The following VSIG1 variants were observed in gnomAD, a reference collection of about 807,000 sequenced individuals.
VSIG1 encodes the protein V-set and immunoglobulin domain-containing protein 1.
In VSIG1, 11 loss-of-function variants were observed where a neutral mutation model predicts 20.1. The observed-to-expected ratio is 0.55, with a 90% CI of 0.34 to 0.91. The LOEUF (loss-of-function observed/expected upper bound fraction) is 0.91, where lower values mean the gene tolerates loss of function less well. VSIG1 is among the 40% of genes least tolerant of loss of function. VSIG1 has a pLI of 0.02. For missense variants in VSIG1, 283 were observed against 298.8 expected (o/e 0.95, Z 0.39); for synonymous variants, 126 against 116.7 (o/e 1.08, Z -0.52).
chrX:108,073,996 T>C (rs1223858524), intron 5 of VSIG1: 2 of 111,735 alleles, frequency 1.8e-5, no homozygotes, highest in Admixed American at 1.9e-4. Flanking sequence ...TCAATTTTCC[T>C]ATTCGAAGGT....
chrX:108,046,855 G>C (rs1230225836), intron 1 of VSIG1, among the ~76,000 whole-genome samples: 1 of 110,529 alleles, frequency 9.0e-6, no homozygotes, highest in African/African-American at 3.3e-5. Flanking sequence ...ATACTTCAGA[G>C]TGTGTTTCCT....
chrX:108,028,458 A>T, the VSIG1 span, among the ~76,000 whole-genome samples: 1 of 111,919 alleles, frequency 8.9e-6, no homozygotes, highest in African/African-American at 3.2e-5. Context: ...AGAGCAAGTT[A>T]CTTACTATCT....
chrX:108,047,843 T>TAC (rs1294961940), intron 1 of VSIG1, among the ~76,000 whole-genome samples: 1 of 33,888 alleles, frequency 3.0e-5, no homozygotes, highest in Non-Finnish European at 5.7e-5. Context: ...CATATATATA[T>TAC]ACATATATAT....
Position 108,077,224 on chromosome X carries a change from C to G in VSIG1, c.1007C>G (p.Ser336Ter). Reference sequence around the variant, plus strand: ...CCTGCCCCAGAGCCTGCCCCAGGATCAGAGCCTATGGCAGTGCCTGACCTT... The same window carrying G: ...CCTGCCCCAGAGCCTGCCCCAGGATGAGAGCCTATGGCAGTGCCTGACCTT... The part of the protein sequence containing the change: ...QEPAPEPAPG[S>*]EPMAVPDLDI... The change falls in exon 7 of 7, where the codon TCA becomes TGA. Residue 336 changes from serine (S) to a stop codon, truncating the protein, a stop_gained. Transcript: ENST00000217957. LOFTEE classifies it low-confidence loss of function (END_TRUNC). 1 of 1,212,017 alleles carries G rather than the reference C, an allele frequency of 8.3e-7. No homozygotes were observed. The highest frequency in any genetic ancestry group is 1.1e-6 in the Non-Finnish European group (1 of 895,618).
At chrX:108,020,862 A>T in the VSIG1 span, among the ~76,000 whole-genome samples, 1 of 111,521 alleles carries the variant, frequency 9.0e-6, no homozygotes. Flanking sequence ...TCATGCCTGG[A>T]GATCTGTGGA....
intron 3 of VSIG1, among the ~76,000 whole-genome samples, chrX:108,071,113 T>G (rs1056713732): frequency 6.3e-4 from 71 of 111,869 alleles, no homozygotes; most frequent in African/African-American, 2.0e-3. Context: ...CCTATACAGA[T>G]CCAGGGTAGA....
At chrX:108,045,415 G>A (rs2030551836) in intron 1 of VSIG1, among the ~76,000 whole-genome samples, 1 of 111,720 alleles carries the variant, frequency 9.0e-6, no homozygotes, top group African/African-American at 3.3e-5. Flanking sequence ...AATTTTCTCA[G>A]AAAAAAATAT....
chrX:108,047,859 C>CAT (rs757436731), intron 1 of VSIG1, among the ~76,000 whole-genome samples: 1,414 of 39,673 alleles, frequency 0.036, 225 homozygotes, highest in African/African-American at 0.081. Flanking sequence ...TATATATACA[C>CAT]ATATATATAT....
intron 2 of VSIG1, among the ~76,000 whole-genome samples, chrX:108,059,987 G>A (rs2030989324): frequency 9.0e-6 from 1 of 111,586 alleles, no homozygotes; most frequent in Non-Finnish European, 1.9e-5. Flanking sequence ...CTACCTCTTG[G>A]TTGAACTGTG....
At chrX:108,056,633 A>C (rs1391756992) in intron 1 of VSIG1, among the ~76,000 whole-genome samples, 1 of 112,794 alleles carries the variant, frequency 8.9e-6, no homozygotes, top group South Asian at 3.6e-4. Flanking sequence ...ATTAAAAGAT[A>C]TTTAGCATCG....
chrX:108,053,876 T>C (rs2030839126), intron 1 of VSIG1, among the ~76,000 whole-genome samples: 2 of 111,334 alleles, frequency 1.8e-5, no homozygotes, highest in Admixed American at 9.6e-5. Context: ...TAAATTAAAC[T>C]TTATCATAGG....
chrX:108,069,421 T>C (rs1221745644), intron 3 of VSIG1, among the ~76,000 whole-genome samples: 1 of 111,693 alleles, frequency 9.0e-6, no homozygotes, highest in Non-Finnish European at 1.9e-5. Context: ...TTTTGGAAAA[T>C]TTGAGACTGC....
chrX:108,021,521 T>C, the VSIG1 span, among the ~76,000 whole-genome samples: 3 of 112,617 alleles, frequency 2.7e-5, no homozygotes, highest in Non-Finnish European at 3.7e-5. Flanking sequence ...TTTTCACTTT[T>C]TTGATAATGT....
At chrX:108,070,589 T>C (rs1030805490) in intron 3 of VSIG1, among the ~76,000 whole-genome samples, 11 of 112,223 alleles carry the variant, frequency 9.8e-5, no homozygotes, top group African/African-American at 3.6e-4. Flanking sequence ...AACACCCCCA[T>C]TTAATTTTCT....
upstream of VSIG1, among the ~76,000 whole-genome samples, chrX:108,041,101 G>A (rs759092866): frequency 1.0e-3 from 110 of 107,639 alleles, no homozygotes; most frequent in Non-Finnish European, 1.7e-3. Context: ...ATTTCTGAAA[G>A]TTCCCAAGGA....
intron 2 of VSIG1, among the ~76,000 whole-genome samples, chrX:108,064,248 A>G (rs989048439): frequency 8.9e-6 from 1 of 111,814 alleles, no homozygotes; most frequent in African/African-American, 3.3e-5. Context: ...CTTACAGAGA[A>G]CTGTGAAGCC....
the VSIG1 span, among the ~76,000 whole-genome samples, chrX:108,039,582 T>C: frequency 2.2e-4 from 25 of 111,593 alleles, no homozygotes; most frequent in Middle Eastern, 4.2e-3. Flanking sequence ...GACTTACATA[T>C]TAAAAGAATC....
upstream of VSIG1, among the ~76,000 whole-genome samples, chrX:108,043,037 T>A (rs1367695932): frequency 9.0e-6 from 1 of 110,859 alleles, no homozygotes; most frequent in African/African-American, 3.3e-5. Flanking sequence ...GGAATGAGAC[T>A]CTCCCTTAGG....
intron 3 of VSIG1, among the ~76,000 whole-genome samples, 164 bp downstream of exon 3, chrX:108,067,298 A>G (rs1356024664): frequency 8.9e-6 from 1 of 111,873 alleles, no homozygotes; most frequent in African/African-American, 3.3e-5. Flanking sequence ...CAACCAAAAC[A>G]GTAACACTGA....
Sources: gnomAD v4.1 joint callset for allele counts (sites outside exome capture counted in the v4.1 genomes callset) on GRCh38, gnomAD v4.1.1 for gene constraint, MANE v1.5 for transcripts, NCBI Gene and HGNC (gene_info 2026-07-23, HGNC 2026-07-21) for gene names.